RNF180: variants seen among roughly 807,000 people sequenced by gnomAD.
RNF180 encodes E3 ubiquitin-protein ligase RNF180.
In RNF180, 38 loss-of-function variants were observed where a neutral mutation model predicts 59.2. That is an observed-to-expected ratio of 0.64 (90% CI 0.50 to 0.84). RNF180 has a LOEUF of 0.84. RNF180 is among the 40% of genes least tolerant of loss of function. The pLI, the probability that RNF180 is intolerant of heterozygous loss-of-function variation, is 0.00. For missense variants in RNF180, 705 were observed against 700.9 expected, an observed-to-expected ratio of 1.01 and a Z score of -0.07; for synonymous variants, 262 against 240.3, an observed-to-expected ratio of 1.09 and a Z score of -0.84.
chr5:64,207,669 G>A (rs1161464058), intron 2 of RNF180, among the ~76,000 whole-genome samples: 3 of 152,056 alleles, frequency 2.0e-5, no homozygotes, highest in Non-Finnish European at 4.4e-5. Context: ...CAGGGAGCCT[G>A]TTTGTTTTTT....
intron 7 of RNF180, among the ~76,000 whole-genome samples, chr5:64,347,796 T>C (rs903777904): frequency 2.6e-5 from 4 of 152,160 alleles, no homozygotes; most frequent in South Asian, 2.1e-4. Context: ...CAGGACTGTG[T>C]TATTAACAAA....
intron 5 of RNF180, among the ~76,000 whole-genome samples, chr5:64,271,619 T>C (rs1741403825): frequency 6.6e-6 from 1 of 152,046 alleles, no homozygotes; most frequent in African/African-American, 2.4e-5. Flanking sequence ...TCAGAACATA[T>C]TCCATGGTTC....
chr5:64,214,594 C>A, intron 4 of RNF180, 77 bp downstream of exon 4: 1 of 1,293,968 alleles, frequency 7.7e-7, no homozygotes, highest in Non-Finnish European at 1.1e-6. Flanking sequence ...TAACTTTCAA[C>A]ATCTGTATAA....
intron 5 of RNF180, among the ~76,000 whole-genome samples, chr5:64,290,820 CTT>C (rs1191292108): frequency 6.6e-6 from 1 of 152,182 alleles, no homozygotes; most frequent in Admixed American, 6.5e-5. Context: ...TGTCTTCACT[CTT>C]TATCCAGCTT....
chr5:64,192,939 A>ATATATATATATATATATATAT (rs1554028955), intron 1 of RNF180, among the ~76,000 whole-genome samples: 55 of 135,406 alleles, frequency 4.1e-4, no homozygotes, highest in African/African-American at 9.6e-4. Context: ...ATATATATAT[A>ATATATATATATATATATATAT]AAATGAAACA....
intron 5 of RNF180, among the ~76,000 whole-genome samples, chr5:64,311,328 T>A (rs1276358597): frequency 1.3e-5 from 2 of 152,010 alleles, no homozygotes; most frequent in Non-Finnish European, 2.9e-5. Context: ...TAGATCTGCA[T>A]CACACATTGG....
In RNF180 at chr5:64,244,616, G is replaced by A. The variant is rs564461107; in HGVS notation, c.1227+27220G>A. Among the ~76,000 whole-genome samples, 34 of 152,294 alleles carry A rather than the reference G, an allele frequency of 2.2e-4. No individual in the cohort carries two copies. The South Asian group carries it at 6.4e-3, about 29-fold the overall frequency. ...AAAAGACCAAACCTACATTTGATTG[G>A]TGTACCTGAAAGTGACGGGGAGAAT... On this transcript the variant is annotated intron_variant, in intron 5 of 7. Coordinates refer to ENST00000389100, the MANE Select transcript of RNF180 (RefSeq NM_001113561.2).
At chr5:64,349,338 G>T (rs1471721322) in intron 7 of RNF180, among the ~76,000 whole-genome samples, 1 of 149,916 alleles carries the variant, frequency 6.7e-6, no homozygotes, top group Non-Finnish European at 1.5e-5. Context: ...GTATTTTATT[G>T]ATACTTTTGT....
chr5:64,240,186 T>C (rs1742715063), intron 5 of RNF180, among the ~76,000 whole-genome samples: 1 of 152,198 alleles, frequency 6.6e-6, no homozygotes, highest in Non-Finnish European at 1.5e-5. Context: ...TGTTTGCTTT[T>C]CTCAAAATCT....
intron 5 of RNF180, among the ~76,000 whole-genome samples, chr5:64,240,011 T>TTC (rs59162610): frequency 2.6e-3 from 403 of 152,292 alleles, no homozygotes; most frequent in African/African-American, 9.4e-3. Context: ...TGAACATATT[T>TTC]TCAGAAATAC....
chr5:64,352,201 T>C (rs1375946962), intron 7 of RNF180, among the ~76,000 whole-genome samples: 5 of 152,088 alleles, frequency 3.3e-5, no homozygotes, highest in Admixed American at 3.3e-4. Context: ...GAGGTGTTTA[T>C]AGTATTCTCT....
At chr5:64,360,651 A>G (rs1056000452) in intron 7 of RNF180, among the ~76,000 whole-genome samples, 1 of 151,758 alleles carries the variant, frequency 6.6e-6, no homozygotes, top group African/African-American at 2.4e-5. Context: ...ACTAAAAGAG[A>G]TTACCAAATT....
intron 7 of RNF180, among the ~76,000 whole-genome samples, chr5:64,353,933 AC>A (rs1202929143): frequency 1.3e-5 from 2 of 151,764 alleles, no homozygotes; most frequent in Admixed American, 1.3e-4. Context: ...ATGAATGAAA[AC>A]AAAAATATGG....
chr5:64,365,650 G>A (rs557013050), intron 7 of RNF180, among the ~76,000 whole-genome samples: 1 of 151,732 alleles, frequency 6.6e-6, no homozygotes, highest in South Asian at 2.1e-4. Flanking sequence ...CTTGCTTTAT[G>A]AATCTGGGTG....
intron 1 of RNF180, among the ~76,000 whole-genome samples, chr5:64,178,845 T>A (rs1750406131): frequency 6.6e-6 from 1 of 152,206 alleles, no homozygotes; most frequent in African/African-American, 2.4e-5. Flanking sequence ...TCTTTTTGTG[T>A]CATTTTCATA....
At chr5:64,187,218 G>A (rs1214525122) in intron 1 of RNF180, among the ~76,000 whole-genome samples, 1 of 152,122 alleles carries the variant, frequency 6.6e-6, no homozygotes, top group Non-Finnish European at 1.5e-5. Context: ...AACTTTAATT[G>A]AAGTATGTGA....
At chr5:64,306,130 T>G (rs991539890) in intron 5 of RNF180, among the ~76,000 whole-genome samples, 2 of 151,754 alleles carry the variant, frequency 1.3e-5, no homozygotes, top group African/African-American at 4.8e-5. Context: ...CTTGCAGTTA[T>G]TGCATTTGAA....
chr5:64,341,907 T>C (rs1745369503), intron 7 of RNF180, among the ~76,000 whole-genome samples: 1 of 152,136 alleles, frequency 6.6e-6, no homozygotes, highest in African/African-American at 2.4e-5. Context: ...TAGCAAAAGG[T>C]AGCTCAGGGC....
intron 1 of RNF180, among the ~76,000 whole-genome samples, chr5:64,171,865 C>T (rs1354077008): frequency 4.1e-4 from 63 of 151,984 alleles, no homozygotes; most frequent in Admixed American, 4.0e-3. Flanking sequence ...TAACTAACAG[C>T]ATCTGGGTAT....
Sources: gnomAD v4.1 joint callset for allele counts (sites outside exome capture counted in the v4.1 genomes callset) on GRCh38, gnomAD v4.1.1 for gene constraint, MANE v1.5 for transcripts, NCBI Gene and HGNC (gene_info 2026-07-23, HGNC 2026-07-21) for gene names.